PSMB7: variants seen among roughly 807,000 people sequenced by gnomAD.
PSMB7 encodes the protein proteasome 20S subunit beta 7.
Under a neutral mutation model 28.1 loss-of-function variants are expected in PSMB7, and 5 were observed. The observed-to-expected ratio is 0.18, with a 90% confidence interval of 0.09 to 0.37. PSMB7 has a LOEUF of 0.37. Among genes scored for constraint, PSMB7 ranks in the 10% least tolerant of loss-of-function variants. PSMB7 has a pLI of 1.00. For missense variants in PSMB7, 275 were observed against 346.2 expected (o/e 0.79, Z 1.63); for synonymous variants, 122 against 123.7 (o/e 0.99, Z 0.09).
chr9:124,412,560 T>G, intron 3 of PSMB7, 68 bp from the exon 4 acceptor site: 447 of 1,536,110 alleles, frequency 2.9e-4, no homozygotes, highest in Non-Finnish European at 3.7e-4. Context: ...AGTAATGGGT[T>G]CTTGGATAAC....
chr9:124,411,064 C>T (rs1831023143), intron 4 of PSMB7, among the ~76,000 whole-genome samples: 1 of 152,110 alleles, frequency 6.6e-6, no homozygotes, highest in East Asian at 1.9e-4. Context: ...CAACCTCCAC[C>T]TTCCAGGTTC....
At chr9:124,409,869 C>A (rs1181565642) in intron 4 of PSMB7, among the ~76,000 whole-genome samples, 2 of 152,094 alleles carry the variant, frequency 1.3e-5, no homozygotes, top group Non-Finnish European at 2.9e-5. Flanking sequence ...ATGTAACTCA[C>A]CAAAAATGTT....
chr9:124,358,083 G>C (rs1490702121), intron 6 of PSMB7, among the ~76,000 whole-genome samples: 1 of 152,194 alleles, frequency 6.6e-6, no homozygotes. Flanking sequence ...CAGTCCACGA[G>C]GGCGTGAGAG....
intron 6 of PSMB7, among the ~76,000 whole-genome samples, chr9:124,363,568 C>T (rs1830481892): frequency 1.3e-5 from 2 of 152,090 alleles, no homozygotes; most frequent in African/African-American, 2.4e-5. Context: ...TGGGTGAATA[C>T]GCCTGCCTGT....
chr9:124,370,054 C>CTA (rs1357047801), intron 6 of PSMB7, among the ~76,000 whole-genome samples: 1 of 152,062 alleles, frequency 6.6e-6, no homozygotes, highest in Non-Finnish European at 1.5e-5. Context: ...CAAGCCCACC[C>CTA]TTCACATGTC....
intron 6 of PSMB7, among the ~76,000 whole-genome samples, chr9:124,366,129 T>C (rs1450232670): frequency 1.3e-5 from 2 of 152,142 alleles, no homozygotes; most frequent in Non-Finnish European, 2.9e-5. Flanking sequence ...GAAAAGCTTA[T>C]AGGCCAGGCA....
At chr9:124,358,446 A>T (rs1016199932) in intron 6 of PSMB7, among the ~76,000 whole-genome samples, 3 of 152,192 alleles carry the variant, frequency 2.0e-5, no homozygotes, top group African/African-American at 4.8e-5. Context: ...TCTTTTGTAC[A>T]TATGCAGTCC....
rs781351752 is a variant in PSMB7 at position 124,415,428 on chromosome 9, T to C, written c.-3A>G. Reference sequence around the variant, plus strand: ...GCATACACCGACACAGCCGCCATCTTCCCAAGAAAGCAGTTCCGGGTCGGA... The same window carrying C: ...GCATACACCGACACAGCCGCCATCTCCCCAAGAAAGCAGTTCCGGGTCGGA... On this transcript the variant is annotated 5_prime_UTR_variant, in exon 1 of 8. Coordinates refer to ENST00000259457, the MANE Select transcript of PSMB7 (RefSeq NM_002799.4). The C allele has an allele frequency of 1.9e-6, 3 of 1,613,876 alleles. No individual in the cohort carries two copies. Among genetic ancestry groups the C allele is most frequent in the Non-Finnish European group, 2.5e-6 (3 of 1,179,964 alleles).
At chr9:124,380,265 T>C (rs968280280) in intron 6 of PSMB7, among the ~76,000 whole-genome samples, 10 of 152,218 alleles carry the variant, frequency 6.6e-5, no homozygotes, top group African/African-American at 2.4e-4. Flanking sequence ...TTTCTATCAA[T>C]AGTATGTACC....
At position 124,353,627 on chromosome 9, in the gene PSMB7, C is replaced by G. The variant is rs2131135067; in HGVS notation, c.805G>C (p.Glu269Gln). Reference protein sequence around the residue: ...ITPLEIEVLEETVQTMDTS With the variant: ...ITPLEIEVLEQTVQTMDTS Reference sequence around the variant, plus strand: ...GAAGTGTCCATTGTTTGGACTGTTTCTTCCAGCACCTCAATCTCCAGAGGA... The same window carrying G: ...GAAGTGTCCATTGTTTGGACTGTTTGTTCCAGCACCTCAATCTCCAGAGGA... The change falls in exon 8 of 8, where the codon GAA (glutamate) becomes CAA (glutamine). Residue 269 changes from glutamate to glutamine, a missense_variant. Physicochemically the swap from Glu to Gln is conservative, Grantham distance 29. Transcript: ENST00000259457. 1 of 1,613,788 alleles carries G rather than the reference C, an allele frequency of 6.2e-7. No individual in the cohort carries two copies. Among genetic ancestry groups the G allele is most frequent in the South Asian group, 1.1e-5 (1 of 91,070 alleles).
At chr9:124,353,834 G>A (rs1304010371) in intron 7 of PSMB7, 125 bp from the exon 8 acceptor site, 20 of 719,218 alleles carry the variant, frequency 2.8e-5, no homozygotes, top group Non-Finnish European at 3.4e-5. Flanking sequence ...TGGCTCTCCC[G>A]ATCCCAGCTC....
intron 5 of PSMB7, among the ~76,000 whole-genome samples, chr9:124,395,426 G>A (rs1830830153): frequency 6.6e-6 from 1 of 152,046 alleles, no homozygotes. Flanking sequence ...TCAGGAGTTT[G>A]AGGGTACAAT....
chr9:124,354,796 A>C (rs1469982894), intron 7 of PSMB7, among the ~76,000 whole-genome samples: 1 of 152,166 alleles, frequency 6.6e-6, no homozygotes, highest in African/African-American at 2.4e-5. Flanking sequence ...CTTAGAGCCA[A>C]AGTCCCACGT....
intron 5 of PSMB7, among the ~76,000 whole-genome samples, chr9:124,394,400 CAA>C (rs1564683093): frequency 2.6e-5 from 4 of 152,174 alleles, no homozygotes; most frequent in Admixed American, 2.6e-4. Flanking sequence ...AATTCTGAAA[CAA>C]GAGCAGATAA....
intron 6 of PSMB7, among the ~76,000 whole-genome samples, chr9:124,381,710 A>G (rs1351855789): frequency 6.6e-6 from 1 of 152,226 alleles, no homozygotes; most frequent in African/African-American, 2.4e-5. Flanking sequence ...CAGAAATGAC[A>G]GACACTTTGG....
At chr9:124,403,676 T>C (rs961840987) in intron 5 of PSMB7, among the ~76,000 whole-genome samples, 4 of 152,156 alleles carry the variant, frequency 2.6e-5, no homozygotes, top group Admixed American at 6.5e-5. Context: ...CCATTACAAC[T>C]TGGTGTGGTA....
At chr9:124,406,978 C>T (rs1402542123) in intron 4 of PSMB7, among the ~76,000 whole-genome samples, 1 of 151,900 alleles carries the variant, frequency 6.6e-6, no homozygotes, top group East Asian at 1.9e-4. Flanking sequence ...CAGAGTGACA[C>T]TTAGTCTCAA....
At chr9:124,387,866 C>A (rs1415222859) in intron 5 of PSMB7, among the ~76,000 whole-genome samples, 1 of 146,980 alleles carries the variant, frequency 6.8e-6, no homozygotes, top group African/African-American at 2.5e-5. Context: ...GTGGGGGACA[C>A]AAGGAACAAG....
intron 6 of PSMB7, among the ~76,000 whole-genome samples, chr9:124,373,766 G>A (rs965119209): frequency 1.1e-4 from 16 of 152,226 alleles, no homozygotes; most frequent in Admixed American, 2.0e-4. Context: ...AGGATATATG[G>A]AAAGGAGGAC....
Sources: gnomAD v4.1 joint callset for allele counts (sites outside exome capture counted in the v4.1 genomes callset) on GRCh38, gnomAD v4.1.1 for gene constraint, MANE v1.5 for transcripts, NCBI Gene and HGNC (gene_info 2026-07-23, HGNC 2026-07-21) for gene names.